The following SLC25A36 variants were observed in gnomAD, a reference collection of about 807,000 sequenced individuals.
SLC25A36 encodes the protein epididymis secretory sperm binding protein.
Under a neutral mutation model 35.3 loss-of-function variants are expected in SLC25A36, and 24 were observed. The observed-to-expected ratio is 0.68, with a 90% confidence interval of 0.49 to 0.96. SLC25A36 has a LOEUF of 0.96. Ranked by LOEUF, SLC25A36 falls within the 40% of genes least tolerant of loss-of-function variation. The pLI is 0.00. For synonymous variants in SLC25A36, 141 were observed against 132.2 expected, an observed-to-expected ratio of 1.07 and a Z score of -0.46; for missense variants, 294 against 381.1, an observed-to-expected ratio of 0.77 and a Z score of 1.90.
chr3:140,973,668 A>G (rs750775835), intron 5 of SLC25A36, 48 bp from the exon 6 acceptor site: 2 of 1,314,656 alleles, frequency 1.5e-6, no homozygotes, highest in South Asian at 4.8e-5. Context: ...ATTATATTTT[A>G]CTTACTTTAA....
In SLC25A36 at chr3:140,958,963, TGTGTGTGTGTGTG is replaced by T. The variant is rs1559813322; in HGVS notation, c.207-499_207-487del. ...TATGTCATGAAAAAACAATGTTTTGTGTGTGTGTGTGTGTGTGTGTGTGTGTGTGTGTGTGTGT... is the reference window on the plus strand; with the variant it reads ...TATGTCATGAAAAAACAATGTTTTGTTGTGTGTGTGTGTGTGTGTGTGTGT... On this transcript the variant is annotated intron_variant, in intron 2 of 6. Coordinates refer to ENST00000324194, the MANE Select transcript of SLC25A36 (RefSeq NM_001104647.3). 1.6e-4 allele frequency among the ~76,000 whole-genome samples: 3 copies of T among 18,632 alleles called. No individual in the cohort carries two copies. The East Asian group carries it at 0.01, about 63-fold the overall frequency. The allele number at this position is 18,632 out of a possible 152,430, so 12.2% of individuals were successfully genotyped here. A position where few individuals can be genotyped will look rare whatever the true frequency, so the allele number is the denominator to read the frequency against.
intron 4 of SLC25A36, chr3:140,965,751 G>A (rs1934742063): frequency 6.6e-6 from 1 of 151,644 alleles, no homozygotes; most frequent in African/African-American, 2.4e-5. Context: ...AAATAATGTT[G>A]ACTCTTAATA....
At chr3:140,966,289 G>T in intron 4 of SLC25A36, 1 of 248,784 alleles carries the variant, frequency 4.0e-6, no homozygotes. Context: ...CAGATGGATG[G>T]TTGGACAGAT....
intron 2 of SLC25A36, among the ~76,000 whole-genome samples, chr3:140,958,960 TTG>T (rs377492880): frequency 0.34 from 38,363 of 112,266 alleles, 5,817 homozygotes; most frequent in Non-Finnish European, 0.37. Flanking sequence ...AAACAATGTT[TTG>T]TGTGTGTGTG....
intron 1 of SLC25A36, among the ~76,000 whole-genome samples, chr3:140,950,983 G>A (rs9845648): frequency 0.21 from 31,871 of 151,736 alleles, 4,448 homozygotes; most frequent in Non-Finnish European, 0.3. Context: ...TTGTCATACA[G>A]ACTGTGACAG....
At chr3:140,945,071 T>C (rs1316210993) in intron 1 of SLC25A36, among the ~76,000 whole-genome samples, 1 of 152,204 alleles carries the variant, frequency 6.6e-6, no homozygotes, top group East Asian at 1.9e-4. Context: ...ATAACAAATA[T>C]TTCTAACAGT....
chr3:140,960,569 A>G (rs1268554282), intron 3 of SLC25A36, among the ~76,000 whole-genome samples: 1 of 152,180 alleles, frequency 6.6e-6, no homozygotes, highest in Non-Finnish European at 1.5e-5. Flanking sequence ...AAAACCTGAG[A>G]ATTTGTGTAT....
intron 5 of SLC25A36, 78 bp downstream of exon 5, chr3:140,971,071 G>A (rs1246153265): frequency 4.5e-6 from 3 of 672,452 alleles, no homozygotes; most frequent in Non-Finnish European, 8.2e-6. Context: ...TCTTTCCTTT[G>A]CTGCTGAATT....
At chr3:140,974,999 G>C (rs1050339330) in intron 6 of SLC25A36, among the ~76,000 whole-genome samples, 3 of 150,452 alleles carry the variant, frequency 2.0e-5, no homozygotes, top group Admixed American at 6.7e-5. Flanking sequence ...GGCCTGCTAA[G>C]GTGTAAGGAA....
intron 1 of SLC25A36, among the ~76,000 whole-genome samples, chr3:140,955,917 A>G (rs1196706175): frequency 6.6e-6 from 1 of 152,150 alleles, no homozygotes; most frequent in Non-Finnish European, 1.5e-5. Flanking sequence ...GCTGATGTCA[A>G]ACTGGCCTCA....
chr3:140,961,960 C>T (rs1487607373), intron 3 of SLC25A36, among the ~76,000 whole-genome samples: 2 of 148,350 alleles, frequency 1.3e-5, no homozygotes, highest in East Asian at 4.1e-4. Flanking sequence ...AAATACTTAC[C>T]AAATGGACTA....
At position 140,979,569 on chromosome 3, in the gene SLC25A36, T is replaced by C. The variant is rs1321574303; in HGVS notation, c.*3116T>C. 1 of 152,184 alleles carries C rather than the reference T, an allele frequency of 6.6e-6. No individual in the cohort carries two copies. Among genetic ancestry groups the C allele is most frequent in the Non-Finnish European group, 1.5e-5 (1 of 68,008 alleles). The allele number at this position is 152,184 out of a possible 1,614,324, so 9.4% of individuals were successfully genotyped here. On this transcript the variant is annotated 3_prime_UTR_variant, in exon 7 of 7. Coordinates refer to ENST00000324194, the MANE Select transcript of SLC25A36 (RefSeq NM_001104647.3). ...ATGATTTAAATTTGAGGAATTTTAA[T>C]ACATAAAATACAATGTACAAACTTT... is the stretch of plus-strand genomic sequence containing the variant.
Position 140,976,335 on chromosome 3 carries a change from A to T in SLC25A36, c.818A>T (p.Gln273Leu), listed in dbSNP as rs765954703. ...TTTCAGACTCTATCTTTGCTTGTTCAAGAAGAAGGTTATGGGTCTCTTTAT... is the reference window on the plus strand; with the variant it reads ...TTTCAGACTCTATCTTTGCTTGTTCTAGAAGAAGGTTATGGGTCTCTTTAT... ...SFFQTLSLLV[Q>L]EEGYGSLYRG... The change falls in exon 7 of 7, where the codon CAA becomes CTA. Residue 273 changes from glutamine to leucine, a missense_variant. Physicochemically the swap from Gln to Leu is moderately radical, Grantham distance 113 (BLOSUM62 -2). Around this residue, in one of 2 missense-constraint regions of SLC25A36, gnomAD observed 109 missense variants for 179.7 expected, o/e 0.61. Coordinates refer to ENST00000324194, the MANE Select transcript of SLC25A36 (RefSeq NM_001104647.3). The T allele has an allele frequency of 6.2e-7, 1 of 1,613,838 alleles. No homozygotes were observed. Among genetic ancestry groups the T allele is most frequent in the South Asian group, 1.1e-5 (1 of 91,062 alleles).
At chr3:140,953,527 T>G (rs1485266307) in intron 1 of SLC25A36, among the ~76,000 whole-genome samples, 1 of 152,198 alleles carries the variant, frequency 6.6e-6, no homozygotes, top group Non-Finnish European at 1.5e-5. Context: ...ATATTAAGAA[T>G]TCTTACTGGT....
At chr3:140,958,523 A>G (rs1225792569) in intron 2 of SLC25A36, among the ~76,000 whole-genome samples, 3 of 152,204 alleles carry the variant, frequency 2.0e-5, no homozygotes, top group Non-Finnish European at 2.9e-5. Context: ...TTCTAGTTAT[A>G]AACAGCTAAT....
intron 6 of SLC25A36, among the ~76,000 whole-genome samples, chr3:140,975,053 G>C (rs903162854): frequency 2.2e-5 from 3 of 134,288 alleles, no homozygotes; most frequent in Non-Finnish European, 4.7e-5. Flanking sequence ...GAAGTGAGAT[G>C]ATGTCATTAC....
chr3:140,946,361 G>T (rs1461231635), intron 1 of SLC25A36, among the ~76,000 whole-genome samples: 1 of 152,162 alleles, frequency 6.6e-6, no homozygotes, highest in African/African-American at 2.4e-5. Context: ...AATGAAGCAG[G>T]TATGGCCAGA....
chr3:140,954,310 T>G (rs995516261), intron 1 of SLC25A36, among the ~76,000 whole-genome samples: 4 of 152,260 alleles, frequency 2.6e-5, no homozygotes, highest in African/African-American at 9.6e-5. Context: ...ATTTGGGTTG[T>G]TCCCAGTTTT....
chr3:140,942,894 G>T (rs1934055543), intron 1 of SLC25A36, among the ~76,000 whole-genome samples: 1 of 152,162 alleles, frequency 6.6e-6, no homozygotes, highest in African/African-American at 2.4e-5. Context: ...TTCCTTTCGA[G>T]AAAACCACCC....
Sources: gnomAD v4.1 joint callset for allele counts (sites outside exome capture counted in the v4.1 genomes callset) on GRCh38, gnomAD v4.1.1 for gene constraint, gnomAD v4.1.1 regional missense constraint, MANE v1.5 for transcripts, NCBI Gene and HGNC (gene_info 2026-07-23, HGNC 2026-07-21) for gene names.